The following RASGRF2 variants were observed in gnomAD, a reference collection of about 807,000 sequenced individuals.
RASGRF2 encodes the protein Ras protein specific guanine nucleotide releasing factor 2.
RASGRF2 carries 76 observed loss-of-function variants against 151.0 expected under a neutral mutation model. The ratio of observed to expected loss-of-function variants is 0.50; its 90% CI spans 0.42 to 0.61. The LOEUF (loss-of-function observed/expected upper bound fraction) is 0.61, where lower values mean the gene tolerates loss of function less well. Among genes scored for constraint, RASGRF2 ranks in the 20% least tolerant of loss-of-function variants. RASGRF2 has a pLI of 0.00. For missense variants in RASGRF2, 1,148 were observed against 1,564.6 expected, an observed-to-expected ratio of 0.73 and a Z score of 4.49; for synonymous variants, 504 against 566.5, an observed-to-expected ratio of 0.89 and a Z score of 1.57.
intron 22 of RASGRF2, among the ~76,000 whole-genome samples, chr5:81,211,096 A>C (rs1755619988): frequency 6.6e-6 from 1 of 150,658 alleles, no homozygotes. Context: ...GTGAGCTGTA[A>C]TCATGCCACT....
At chr5:81,152,392 T>C (rs1380279535) in intron 17 of RASGRF2, among the ~76,000 whole-genome samples, 1 of 151,852 alleles carries the variant, frequency 6.6e-6, no homozygotes, top group East Asian at 2.0e-4. Flanking sequence ...TTGTCACCAA[T>C]GATTTATATA....
chr5:81,108,834 C>G (rs42823), intron 12 of RASGRF2, among the ~76,000 whole-genome samples, 162 bp from the exon 13 acceptor site: 22,665 of 139,894 alleles, frequency 0.16, 2,447 homozygotes, highest in Admixed American at 0.27. Flanking sequence ...TTTACCTACT[C>G]TGTGTGTGTG....
At chr5:81,104,006 T>C (rs748343355) in intron 12 of RASGRF2, among the ~76,000 whole-genome samples, 1 of 152,070 alleles carries the variant, frequency 6.6e-6, no homozygotes, top group Non-Finnish European at 1.5e-5. Context: ...TAATTTATGA[T>C]GGGCAGATAC....
intron 1 of RASGRF2, among the ~76,000 whole-genome samples, chr5:81,009,068 C>T (rs1165084760): frequency 6.6e-6 from 1 of 152,170 alleles, no homozygotes; most frequent in African/African-American, 2.4e-5. Context: ...CCACTACTAC[C>T]CCTGGGCCTG....
intron 5 of RASGRF2, among the ~76,000 whole-genome samples, chr5:81,076,169 G>A (rs1272090919): frequency 6.6e-6 from 1 of 152,192 alleles, no homozygotes; most frequent in African/African-American, 2.4e-5. Flanking sequence ...GGAGAGAACA[G>A]GTGGTGGGGC....
chr5:81,066,034 A>ATAC (rs1211167023), intron 2 of RASGRF2, among the ~76,000 whole-genome samples: 1 of 152,132 alleles, frequency 6.6e-6, no homozygotes, highest in Non-Finnish European at 1.5e-5. Context: ...AGAAAAGAAA[A>ATAC]TACTGCTTTG....
intron 1 of RASGRF2, among the ~76,000 whole-genome samples, chr5:81,015,315 G>T (rs977979849): frequency 1.3e-5 from 2 of 151,982 alleles, no homozygotes; most frequent in Non-Finnish European, 2.9e-5. Flanking sequence ...TGGTATTTCT[G>T]GTTCTAGATC....
intron 18 of RASGRF2, among the ~76,000 whole-genome samples, chr5:81,200,347 A>C (rs55858242): frequency 0.016 from 2,459 of 151,278 alleles, 62 homozygotes; most frequent in African/African-American, 0.055. Context: ...TGTGAGCATC[A>C]ATATCGATAG....
intron 1 of RASGRF2, among the ~76,000 whole-genome samples, chr5:81,007,213 G>T (rs949459286): frequency 2.0e-5 from 3 of 152,160 alleles, no homozygotes; most frequent in African/African-American, 7.2e-5. Flanking sequence ...AGAAGGTGAA[G>T]GGGAGGAGTT....
At chr5:81,000,243 G>A (rs769290020) in intron 1 of RASGRF2, among the ~76,000 whole-genome samples, 2 of 152,192 alleles carry the variant, frequency 1.3e-5, no homozygotes, top group Non-Finnish European at 2.9e-5. Context: ...TTTCCTTTAA[G>A]TTCCAACCTC....
intron 5 of RASGRF2, among the ~76,000 whole-genome samples, chr5:81,074,698 C>T (rs867651182): frequency 1.4e-4 from 22 of 152,228 alleles, no homozygotes; most frequent in East Asian, 3.9e-4. Context: ...AAAAAAATCA[C>T]GACATGGTAT....
intron 2 of RASGRF2, among the ~76,000 whole-genome samples, chr5:81,065,553 T>C (rs1249710245): frequency 6.6e-6 from 1 of 152,192 alleles, no homozygotes; most frequent in Non-Finnish European, 1.5e-5. Context: ...TTATTTCTTA[T>C]TTTTGAGGGG....
rs763651477 is a variant in RASGRF2 at position 81,113,781 on chromosome 5, AC to A, written c.2333del (p.Pro778HisfsTer25). On this transcript the variant is annotated frameshift_variant, in exon 15 of 27. Coordinates refer to ENST00000265080, the MANE Select transcript of RASGRF2 (RefSeq NM_006909.3). LOFTEE classifies it high-confidence loss of function. ...TTTQSPAASP[P>X]PHTGQIPLDL... ...CCACCCAGAGTCCCGCTGCGTCTCC[AC>A]CACCACACACTGGTCAGATACCACT... 6.2e-7 allele frequency: 1 copy of A among 1,614,034 alleles called. No individual in the cohort carries two copies. Among genetic ancestry groups the A allele is most frequent in the South Asian group, 1.1e-5 (1 of 91,076 alleles).
chr5:81,070,658 T>G, intron 4 of RASGRF2, 77 bp downstream of exon 4: 1 of 1,299,146 alleles, frequency 7.7e-7, no homozygotes. Flanking sequence ...TTTGCCACCC[T>G]GTGCGTGAGC....
intron 1 of RASGRF2, among the ~76,000 whole-genome samples, chr5:81,017,180 C>T (rs965412219): frequency 2.0e-5 from 3 of 152,196 alleles, no homozygotes; most frequent in Non-Finnish European, 4.4e-5. Flanking sequence ...GACTGGTTTC[C>T]AGGTGCACTC....
chr5:81,184,695 A>G (rs1430377099), intron 18 of RASGRF2, among the ~76,000 whole-genome samples: 1 of 152,216 alleles, frequency 6.6e-6, no homozygotes, highest in African/African-American at 2.4e-5. Flanking sequence ...AGATCAGACA[A>G]AAATGACCTA....
intron 16 of RASGRF2, 64 bp downstream of exon 16, chr5:81,123,831 T>C: frequency 6.6e-7 from 1 of 1,505,882 alleles, no homozygotes. Context: ...TCTGAACCTT[T>C]CCTTTGCCTA....
At chr5:81,026,147 CCTTCCTCCCTCCCTCT>C (rs1750021056) in intron 1 of RASGRF2, among the ~76,000 whole-genome samples, 1 of 120,428 alleles carries the variant, frequency 8.3e-6, no homozygotes, top group Non-Finnish European at 1.9e-5. Flanking sequence ...TCCCTTCCAT[CCTTCCTCCCTCCCTCT>C]CTTCCTCCCT....
intron 1 of RASGRF2, among the ~76,000 whole-genome samples, chr5:81,035,114 A>G (rs1376247816): frequency 3.3e-5 from 5 of 152,160 alleles, no homozygotes; most frequent in African/African-American, 1.2e-4. Flanking sequence ...ATTACTGTGT[A>G]TATACCCAAA....
Sources: allele counts gnomAD v4.1 joint callset (sites outside exome capture counted in the v4.1 genomes callset), GRCh38; gene constraint gnomAD v4.1.1; transcripts MANE v1.5; gene names NCBI Gene and HGNC (gene_info 2026-07-23, HGNC 2026-07-21).